Variants in FBXL7 observed in about 807,000 individuals in gnomAD.
FBXL7 encodes F-box and leucine rich repeat protein 7, also known as F-box/LRR-repeat protein 7.
A neutral mutation model predicts 38.3 loss-of-function variants in FBXL7; 12 were observed. That is an observed-to-expected ratio of 0.31 (90% CI 0.20 to 0.51). FBXL7 has a LOEUF of 0.51. FBXL7 is among the 20% of genes least tolerant of loss of function. FBXL7 has a pLI of 0.98. For synonymous variants in FBXL7, 297 were observed against 300.9 expected (o/e 0.99, Z 0.13); for missense variants, 567 against 676.4 (o/e 0.84, Z 1.79).
chr5:15,638,458 C>T (rs1741256832), intron 2 of FBXL7, among the ~76,000 whole-genome samples: 1 of 152,306 alleles, frequency 6.6e-6, no homozygotes, highest in East Asian at 1.9e-4. Context: ...CACCCTAGGC[C>T]TGTCTAATGA....
At chr5:15,541,698 C>T (rs541042323) in intron 1 of FBXL7, among the ~76,000 whole-genome samples, 57 of 151,422 alleles carry the variant, frequency 3.8e-4, no homozygotes, top group Admixed American at 1.8e-3. Context: ...GCGCCCGCCA[C>T]CACGCTTGGC....
rs563057458 is a variant in FBXL7 at position 15,594,609 on chromosome 5, C to T, written c.38-21374C>T. On this transcript the variant is annotated intron_variant, in intron 1 of 3. Coordinates refer to ENST00000504595, the MANE Select transcript of FBXL7 (RefSeq NM_012304.5). ...TGTCCTTGGTATTGGAGCTGCAGTACGGCTTCAGAGACCTGAAGAGGCTGC... is the reference window on the plus strand; with the variant it reads ...TGTCCTTGGTATTGGAGCTGCAGTATGGCTTCAGAGACCTGAAGAGGCTGC... Among the ~76,000 whole-genome samples the T allele has an allele frequency of 1.8e-4, 27 of 152,286 alleles. No homozygotes were observed. The South Asian group carries it at 2.9e-3, about 16-fold the overall frequency.
At position 15,574,337 on chromosome 5, in the gene FBXL7, C is replaced by G. The variant is rs149718235; in HGVS notation, c.38-41646C>G. Among the ~76,000 whole-genome samples the G allele has an allele frequency of 3.6e-3, 555 of 152,132 alleles. 7 individuals carry two copies. The highest frequency in any genetic ancestry group is 0.013 in the African/African-American group (524 of 41,502). On this transcript the variant is annotated intron_variant, in intron 1 of 3. Transcript: ENST00000504595. ...AAATGCTTATTAAGCAATAATTTAC[C>G]AGGTTCTATAAAATAACTCGGGTTC...
At chr5:15,871,382 A>G (rs1033412798) in intron 2 of FBXL7, among the ~76,000 whole-genome samples, 34 of 152,202 alleles carry the variant, frequency 2.2e-4, no homozygotes, top group Non-Finnish European at 4.3e-4. Context: ...CAAAAACTAG[A>G]ATGCCTCTTC....
At chr5:15,758,776 A>G (rs1373130130) in intron 2 of FBXL7, among the ~76,000 whole-genome samples, 3 of 152,056 alleles carry the variant, frequency 2.0e-5, no homozygotes, top group African/African-American at 4.8e-5. Context: ...TATTATTTTT[A>G]TTTACTTTCA....
chr5:15,929,999 GCT>G (rs1359545837), intron 3 of FBXL7, among the ~76,000 whole-genome samples: 1 of 152,128 alleles, frequency 6.6e-6, no homozygotes, highest in Non-Finnish European at 1.5e-5. Flanking sequence ...CTCTCAGCTT[GCT>G]CTCTCTTTCG....
At chr5:15,900,140 A>G (rs973451516) in intron 2 of FBXL7, among the ~76,000 whole-genome samples, 1 of 152,142 alleles carries the variant, frequency 6.6e-6, no homozygotes, top group Non-Finnish European at 1.5e-5. Flanking sequence ...AATATAATCA[A>G]TTTATTTTTT....
At chr5:15,724,024 A>G (rs185053532) in intron 2 of FBXL7, among the ~76,000 whole-genome samples, 211 of 152,244 alleles carry the variant, frequency 1.4e-3, no homozygotes, top group Middle Eastern at 6.8e-3. Context: ...CTCATTGAGG[A>G]ATATCTTGGT....
chr5:15,688,653 C>G (rs1285223481), intron 2 of FBXL7, among the ~76,000 whole-genome samples: 1 of 152,166 alleles, frequency 6.6e-6, no homozygotes. Flanking sequence ...GTAGATCAGC[C>G]AGCACTTGCC....
chr5:15,718,536 TTAAA>T (rs1239163033), intron 2 of FBXL7, among the ~76,000 whole-genome samples: 1 of 152,196 alleles, frequency 6.6e-6, no homozygotes, highest in African/African-American at 2.4e-5. Flanking sequence ...CCTCTGCCTG[TTAAA>T]TAAGCAAGGA....
At chr5:15,705,383 A>G (rs1743650899) in intron 2 of FBXL7, among the ~76,000 whole-genome samples, 1 of 152,318 alleles carries the variant, frequency 6.6e-6, no homozygotes, top group Admixed American at 6.5e-5. Context: ...CGAGAATCCT[A>G]CCTGTCCTGT....
intron 2 of FBXL7, among the ~76,000 whole-genome samples, chr5:15,810,135 A>T (rs1737820852): frequency 6.6e-6 from 1 of 152,214 alleles, no homozygotes; most frequent in Non-Finnish European, 1.5e-5. Context: ...AAAATAATAG[A>T]AGTTAAAATA....
intron 1 of FBXL7, among the ~76,000 whole-genome samples, chr5:15,547,614 C>T (rs1348741825): frequency 1.3e-5 from 2 of 152,174 alleles, no homozygotes; most frequent in Non-Finnish European, 2.9e-5. Flanking sequence ...GTCTCATCTG[C>T]ACACACTCCA....
intron 2 of FBXL7, among the ~76,000 whole-genome samples, chr5:15,896,226 A>G (rs905315219): frequency 1.3e-5 from 2 of 151,962 alleles, no homozygotes; most frequent in African/African-American, 2.4e-5. Context: ...GGGTTTCACC[A>G]TGTTGGCCAG....
intron 2 of FBXL7, among the ~76,000 whole-genome samples, chr5:15,916,440 TGTG>T (rs1342207902): frequency 4.6e-5 from 7 of 152,104 alleles, no homozygotes; most frequent in Admixed American, 1.3e-4. Flanking sequence ...GCTGAAGCCT[TGTG>T]GGCCGTGAGC....
intron 1 of FBXL7, among the ~76,000 whole-genome samples, chr5:15,552,238 C>G (rs1451371998): frequency 1.3e-5 from 2 of 152,216 alleles, no homozygotes; most frequent in Admixed American, 1.3e-4. Context: ...CCACTTCTTC[C>G]TGTCCTGGTA....
chr5:15,918,458 A>G (rs1049229578), intron 2 of FBXL7, among the ~76,000 whole-genome samples: 2 of 152,226 alleles, frequency 1.3e-5, no homozygotes, highest in Non-Finnish European at 2.9e-5. Context: ...TAGATTTCAA[A>G]AGTGCATTCT....
At chr5:15,575,950 C>A (rs748106988) in intron 1 of FBXL7, among the ~76,000 whole-genome samples, 1 of 152,034 alleles carries the variant, frequency 6.6e-6, no homozygotes, top group Non-Finnish European at 1.5e-5. Context: ...AAAATACATT[C>A]TCCATTCCCT....
intron 2 of FBXL7, among the ~76,000 whole-genome samples, chr5:15,676,454 CCTTTCAAAAACATCTG>C (rs1193039311): frequency 6.6e-6 from 1 of 152,160 alleles, no homozygotes; most frequent in African/African-American, 2.4e-5. Flanking sequence ...TATGGTTATG[CCTTTCAAAAACATCTG>C]CAAAGGTTTT....
Sources: gnomAD v4.1 joint callset for allele counts (sites outside exome capture counted in the v4.1 genomes callset) on GRCh38, gnomAD v4.1.1 for gene constraint, MANE v1.5 for transcripts, NCBI Gene and HGNC (gene_info 2026-07-23, HGNC 2026-07-21) for gene names.